MPPED2: variants seen among roughly 807,000 people sequenced by gnomAD.
The protein encoded by MPPED2 is metallophosphoesterase domain containing 2.
MPPED2 carries 5 observed loss-of-function variants against 33.0 expected under a neutral mutation model. The ratio of observed to expected loss-of-function variants is 0.15; its 90% CI spans 0.08 to 0.32. The LOEUF is 0.32. Among genes scored for constraint, MPPED2 ranks in the 10% least tolerant of loss-of-function variants. MPPED2 has a pLI of 1.00. For missense variants in MPPED2, 275 were observed against 372.1 expected, an observed-to-expected ratio of 0.74 and a Z score of 2.15; for synonymous variants, 136 against 141.9, an observed-to-expected ratio of 0.96 and a Z score of 0.29.
chr11:30,483,947 T>C (rs1951608502), intron 4 of MPPED2, among the ~76,000 whole-genome samples: 1 of 152,176 alleles, frequency 6.6e-6, no homozygotes, highest in Non-Finnish European at 1.5e-5. Flanking sequence ...AGGCACGTAG[T>C]TCTATATGCA....
intron 3 of MPPED2, among the ~76,000 whole-genome samples, chr11:30,525,076 C>A (rs1351327837): frequency 6.6e-6 from 1 of 152,198 alleles, no homozygotes; most frequent in African/African-American, 2.4e-5. Flanking sequence ...TCCTAGGCCT[C>A]CCACTGACAA....
At chr11:30,551,395 A>C (rs1356994878) in intron 2 of MPPED2, among the ~76,000 whole-genome samples, 2 of 152,228 alleles carry the variant, frequency 1.3e-5, no homozygotes, top group Non-Finnish European at 2.9e-5. Context: ...TAAGAGGAAT[A>C]GAATTCCTCA....
At chr11:30,481,818 A>G (rs1023327294) in intron 4 of MPPED2, among the ~76,000 whole-genome samples, 23 of 152,138 alleles carry the variant, frequency 1.5e-4, no homozygotes, top group Non-Finnish European at 3.1e-4. Flanking sequence ...CTCTGATTTA[A>G]AAAAGAAAAC....
intron 4 of MPPED2, among the ~76,000 whole-genome samples, chr11:30,448,891 T>A (rs1208256439): frequency 6.6e-6 from 1 of 151,928 alleles, no homozygotes. Flanking sequence ...CGACCTCAGG[T>A]GATCTGCCTG....
At chr11:30,415,076 G>A (rs1948283847) in intron 5 of MPPED2, among the ~76,000 whole-genome samples, 1 of 152,192 alleles carries the variant, frequency 6.6e-6, no homozygotes, top group African/African-American at 2.4e-5. Context: ...GCAGGATAGG[G>A]CATAAAGAAG....
intron 4 of MPPED2, among the ~76,000 whole-genome samples, chr11:30,418,354 T>C (rs1948467307): frequency 6.6e-6 from 1 of 152,230 alleles, no homozygotes; most frequent in South Asian, 2.1e-4. Flanking sequence ...GCTCCAAGAA[T>C]GAGTTTTTGA....
intron 4 of MPPED2, among the ~76,000 whole-genome samples, chr11:30,481,092 C>A (rs1292792298): frequency 6.6e-6 from 1 of 152,010 alleles, no homozygotes; most frequent in Non-Finnish European, 1.5e-5. Flanking sequence ...AATACTGTAG[C>A]TAAAAGAATG....
At chr11:30,552,316 A>G (rs990588123) in intron 2 of MPPED2, among the ~76,000 whole-genome samples, 2 of 152,192 alleles carry the variant, frequency 1.3e-5, no homozygotes, top group Non-Finnish European at 2.9e-5. Flanking sequence ...CCCAAAATAT[A>G]AGAAGTTTTA....
intron 3 of MPPED2, among the ~76,000 whole-genome samples, chr11:30,516,223 A>C (rs1010965797): frequency 6.6e-6 from 1 of 152,282 alleles, no homozygotes; most frequent in East Asian, 1.9e-4. Context: ...CCTTCAGAAA[A>C]GGAATAAAAA....
chr11:30,553,801 A>C (rs940286657), intron 2 of MPPED2, among the ~76,000 whole-genome samples: 1 of 152,218 alleles, frequency 6.6e-6, no homozygotes, highest in African/African-American at 2.4e-5. Context: ...TACAATGCCA[A>C]GCACCATCTC....
intron 4 of MPPED2, among the ~76,000 whole-genome samples, chr11:30,423,330 A>G (rs1399069521): frequency 2.0e-5 from 3 of 152,186 alleles, no homozygotes; most frequent in African/African-American, 7.2e-5. Flanking sequence ...CAATGCACAG[A>G]CAGGTCCTGA....
At chr11:30,411,675 T>C in intron 6 of MPPED2, 89 bp from the exon 7 acceptor site, 1 of 1,131,418 alleles carries the variant, frequency 8.8e-7, no homozygotes, top group South Asian at 2.3e-5. Flanking sequence ...ACAAAAAATT[T>C]TTGTCAGTGG....
chr11:30,554,790 C>T (rs563480752), intron 2 of MPPED2, among the ~76,000 whole-genome samples: 3 of 152,262 alleles, frequency 2.0e-5, no homozygotes, highest in Non-Finnish European at 2.9e-5. Context: ...TCACCATGCC[C>T]AGCCTGCACC....
At chr11:30,463,324 A>C (rs915508127) in intron 4 of MPPED2, among the ~76,000 whole-genome samples, 1 of 152,224 alleles carries the variant, frequency 6.6e-6, no homozygotes, top group African/African-American at 2.4e-5. Context: ...GACATTTGTT[A>C]GTTGGTTTCC....
chr11:30,395,787 T>A (rs1947833111), intron 6 of MPPED2, among the ~76,000 whole-genome samples: 3 of 152,204 alleles, frequency 2.0e-5, no homozygotes, highest in South Asian at 4.1e-4. Flanking sequence ...GCCAATTACC[T>A]GCTTGTCTTT....
intron 2 of MPPED2, among the ~76,000 whole-genome samples, chr11:30,546,668 A>G (rs1299396839): frequency 6.6e-6 from 1 of 152,100 alleles, no homozygotes. Flanking sequence ...TTTTTTCCCA[A>G]CTTTGAGTTG....
chr11:30,478,262 T>C (rs1309842265), intron 4 of MPPED2, among the ~76,000 whole-genome samples: 1 of 152,090 alleles, frequency 6.6e-6, no homozygotes, highest in Non-Finnish European at 1.5e-5. Flanking sequence ...TATTCCTCCA[T>C]AACTAAAAGA....
At chr11:30,514,358 A>G (rs1425683940) in intron 3 of MPPED2, among the ~76,000 whole-genome samples, 3 of 152,198 alleles carry the variant, frequency 2.0e-5, no homozygotes, top group Non-Finnish European at 4.4e-5. Flanking sequence ...CACTGTCATT[A>G]CTTCATGCTA....
intron 6 of MPPED2, among the ~76,000 whole-genome samples, chr11:30,412,699 T>C (rs1357598519): frequency 1.3e-5 from 2 of 152,194 alleles, no homozygotes; most frequent in Non-Finnish European, 2.9e-5. Flanking sequence ...GTATTTGCCC[T>C]CTTCCTGCCC....
Sources: allele counts gnomAD v4.1 joint callset (sites outside exome capture counted in the v4.1 genomes callset), GRCh38; gene constraint gnomAD v4.1.1; transcripts MANE v1.5; gene names NCBI Gene and HGNC (gene_info 2026-07-23, HGNC 2026-07-21).